The following TMCC2 variants were observed in gnomAD, a reference collection of about 807,000 sequenced individuals.
TMCC2 encodes transmembrane and coiled-coil domains protein 2.
In TMCC2, 16 loss-of-function variants were observed where a neutral mutation model predicts 49.4. That is an observed-to-expected ratio of 0.32 (90% confidence interval 0.22 to 0.49). The LOEUF (loss-of-function observed/expected upper bound fraction) is 0.49, where lower values mean the gene tolerates loss of function less well. Ranked by LOEUF, TMCC2 falls within the 20% of genes least tolerant of loss-of-function variation. The pLI is 0.99. For synonymous variants in TMCC2, 397 were observed against 434.1 expected (o/e 0.91, Z 1.06); for missense variants, 762 against 989.8 (o/e 0.77, Z 3.09).
intron 3 of TMCC2, among the ~76,000 whole-genome samples, 172 bp from the exon 4 acceptor site, chr1:205,270,948 G>T (rs1237231011): frequency 6.6e-6 from 1 of 152,234 alleles, no homozygotes; most frequent in Non-Finnish European, 1.5e-5. Context: ...CCTAAGAAGT[G>T]CTGTGTAAAT....
At chr1:205,265,721 C>T (rs141027325) in intron 2 of TMCC2, among the ~76,000 whole-genome samples, 2,014 of 151,660 alleles carry the variant, frequency 0.013, 50 homozygotes, top group African/African-American at 0.046. Context: ...CCACCACGCC[C>T]AGCTAATTTT....
rs748955816 is a variant in TMCC2, at chr1:205,271,271, C to A, written c.1818+16C>A. 5.0e-6 allele frequency: 8 copies of A among 1,613,870 alleles called. No homozygotes were observed. Among genetic ancestry groups the A allele is most frequent in the South Asian group, 2.2e-5 (2 of 91,094 alleles). On this transcript the variant is annotated intron_variant, in intron 4 of 4. Coordinates refer to ENST00000358024, the MANE Select transcript of TMCC2 (RefSeq NM_014858.4). ...GGACATCCAGGTATGGCCAGGGCAACCTTGGGAGGCCCCAGATGTGCTGGT... is the reference window on the plus strand; with the variant it reads ...GGACATCCAGGTATGGCCAGGGCAAACTTGGGAGGCCCCAGATGTGCTGGT...
At chr1:205,263,579 C>A (rs1413134665) in intron 2 of TMCC2, among the ~76,000 whole-genome samples, 2 of 152,058 alleles carry the variant, frequency 1.3e-5, no homozygotes, top group African/African-American at 4.8e-5. Context: ...GTAGTCCCTG[C>A]TACTGGGGAG....
At chr1:205,268,060 G>A in intron 2 of TMCC2, 1 of 985,448 alleles carries the variant, frequency 1.0e-6, no homozygotes, top group Non-Finnish European at 1.2e-6. Context: ...GAGCCGTAAG[G>A]TAATGGAGGG....
chr1:205,270,020 G>A (rs751925928), intron 3 of TMCC2, 136 bp downstream of exon 3: 21 of 794,666 alleles, frequency 2.6e-5, no homozygotes, highest in South Asian at 3.5e-5. Flanking sequence ...GAGCCAGCAC[G>A]AGGCCCTAAG....
chr1:205,248,423 C>T (rs1660539194), intron 2 of TMCC2, among the ~76,000 whole-genome samples: 1 of 152,152 alleles, frequency 6.6e-6, no homozygotes, highest in African/African-American at 2.4e-5. Flanking sequence ...TTAAAAAAAT[C>T]GTCATCTCAG....
Position 205,269,255 on chromosome 1 carries a change from C to T in TMCC2, c.1053C>T (p.His351=), listed in dbSNP as rs1367352910. The T allele has an allele frequency of 1.9e-6, 3 of 1,613,860 alleles. No individual in the cohort carries two copies. The highest frequency in any genetic ancestry group is 2.2e-5 in the South Asian group (2 of 91,082). The change falls in exon 3 of 5, where the codon CAC becomes CAT. Residue 351 remains histidine, a synonymous_variant. Transcript: ENST00000358024. ...CAGCCCAGACCATCGCCCAGCTGCA[C>T]AAGAAGCTGGAGCACTACCGCCGGC... The part of the protein sequence containing the change: ...QKSAQTIAQL[H]KKLEHYRRRL...
At chr1:205,242,089 CCATCCGCT>C (rs747560972) in intron 2 of TMCC2, 45 bp downstream of exon 2, 203 of 1,522,134 alleles carry the variant, frequency 1.3e-4, no homozygotes, top group Admixed American at 1.3e-4. Context: ...GAGGCAAGGG[CCATCCGCT>C]GAGGGGCCTT....
At position 205,269,746 on chromosome 1, in the gene TMCC2, A is replaced by G. The variant is rs770377794; in HGVS notation, c.1544A>G (p.Asn515Ser). The change falls in exon 3 of 5, where the codon AAC becomes AGC. Residue 515 changes from asparagine (N) to serine (S), a missense_variant. Physicochemically the swap from Asn to Ser is conservative, Grantham distance 46 (BLOSUM62 1). This residue lies in a region of TMCC2 where 440 missense variants were observed against 636.7 expected (regional missense o/e 0.69). Transcript: ENST00000358024. ...AATGCACTGTATGGTGCTCCTGGAA[A>G]CCTGGATGCTCTGCTGGAAGAGCTA... ...KSNALYGAPG[N>S]LDALLEELRE... 1.2e-6 allele frequency: 2 copies of G among 1,614,200 alleles called. No homozygotes were observed. The highest frequency in any genetic ancestry group is 1.7e-6 in the Non-Finnish European group (2 of 1,180,020).
chr1:205,243,921 C>A (rs1008316698), intron 2 of TMCC2, among the ~76,000 whole-genome samples: 3 of 152,190 alleles, frequency 2.0e-5, no homozygotes, highest in Admixed American at 2.0e-4. Flanking sequence ...ACAGGCCAAG[C>A]ACCAGGAGCC....
chr1:205,271,790 T>G, intron 4 of TMCC2, 23 bp from the exon 5 acceptor site: 1 of 1,602,064 alleles, frequency 6.2e-7, no homozygotes, highest in Non-Finnish European at 8.5e-7. Flanking sequence ...AGCGCACACA[T>G]GCCAGCCCCT....
intron 2 of TMCC2, among the ~76,000 whole-genome samples, chr1:205,259,849 G>A (rs922792027): frequency 6.6e-6 from 1 of 152,238 alleles, no homozygotes; most frequent in African/African-American, 2.4e-5. Context: ...CCAAGGCCAT[G>A]TGGAGGGGAG....
At chr1:205,239,527 T>C (rs997870232) in intron 1 of TMCC2, among the ~76,000 whole-genome samples, 7 of 152,236 alleles carry the variant, frequency 4.6e-5, no homozygotes, top group Non-Finnish European at 8.8e-5. Flanking sequence ...TGCCCCAGAA[T>C]TCAGTTCTTG....
In TMCC2 at chr1:205,241,510, C is replaced by G; in HGVS notation, c.213C>G (p.Ile71Met). 6.2e-7 allele frequency: 1 copy of G among 1,613,404 alleles called. No homozygotes were observed. The highest frequency in any genetic ancestry group is 8.5e-7 in the Non-Finnish European group (1 of 1,179,858). ...PRSKPPDLKK[I>M]QQLSEGSMFG... The stretch of plus-strand genomic sequence containing the variant: ...CTTCATCTCTCCCCCTTAAGAAAAT[C>G]CAGCAGCTGTCAGAGGGCTCCATGT... Residue 71 changes from isoleucine to methionine, a missense_variant, in exon 2 of 5, where the codon ATC (isoleucine) becomes ATG (methionine). Ile to Met is a conservative substitution (Grantham distance 10, BLOSUM62 1). Around this residue, in one of 2 missense-constraint regions of TMCC2, gnomAD observed 322 missense variants for 353.1 expected, o/e 0.91. Coordinates refer to ENST00000358024, the MANE Select transcript of TMCC2 (RefSeq NM_014858.4). This position sits in a 1 kb window ranked among gnomAD's most constrained non-coding sequence, Gnocchi z 7.3.
At chr1:205,248,488 A>C (rs1171117111) in intron 2 of TMCC2, among the ~76,000 whole-genome samples, 1 of 152,158 alleles carries the variant, frequency 6.6e-6, no homozygotes, top group Non-Finnish European at 1.5e-5. Context: ...ACTGCTCTCT[A>C]TGTCTTAGAT....
At chr1:205,271,337 G>A (rs764342546) in intron 4 of TMCC2, 82 bp downstream of exon 4, 1 of 1,607,380 alleles carries the variant, frequency 6.2e-7, no homozygotes, top group Non-Finnish European at 8.5e-7. Context: ...CTTGTCACGT[G>A]GGGCATGATA....
At chr1:205,248,484 C>T (rs1380406252) in intron 2 of TMCC2, among the ~76,000 whole-genome samples, 1 of 152,214 alleles carries the variant, frequency 6.6e-6, no homozygotes, top group African/African-American at 2.4e-5. Flanking sequence ...AGTAACTGCT[C>T]TCTATGTCTT....
At chr1:205,234,899 TC>T (rs1198434264) in intron 1 of TMCC2, among the ~76,000 whole-genome samples, 4 of 152,086 alleles carry the variant, frequency 2.6e-5, no homozygotes, top group Admixed American at 6.6e-5. Flanking sequence ...CCTCAGGTGA[TC>T]CACTCTCCTC....
chr1:205,237,556 G>A (rs1418092687), intron 1 of TMCC2, among the ~76,000 whole-genome samples: 1 of 152,226 alleles, frequency 6.6e-6, no homozygotes, highest in Non-Finnish European at 1.5e-5. Flanking sequence ...GAGAACACAC[G>A]TACCTGTAAA....
Sources: allele counts gnomAD v4.1 joint callset (sites outside exome capture counted in the v4.1 genomes callset), GRCh38; gene constraint gnomAD v4.1.1; regional missense constraint gnomAD v4.1.1; non-coding constraint Gnocchi (gnomAD v3.1); transcripts MANE v1.5; gene names NCBI Gene and HGNC (gene_info 2026-07-23, HGNC 2026-07-21).